TYW2: variants seen among roughly 807,000 people sequenced by gnomAD.
TYW2 encodes tRNA wybutosine-synthesizing protein 2, also known as tRNA wybutosine-synthesizing protein 2 homolog.
At chr8:124,452,416 A>G in the TYW2 span, 5 of 746,638 alleles carry the variant, frequency 6.7e-6, no homozygotes, top group African/African-American at 7.1e-5. Flanking sequence ...CTCTAGATCA[A>G]TTCAAATTAT....
chr8:124,451,068 C>G, the TYW2 span: 1 of 1,614,170 alleles, frequency 6.2e-7, no homozygotes, highest in African/African-American at 1.3e-5. Flanking sequence ...ATACACAGCA[C>G]CGTGTGGAAA....
At chr8:124,451,088 A>C in the TYW2 span, 4 of 1,614,216 alleles carry the variant, frequency 2.5e-6, no homozygotes. Flanking sequence ...AAGATGCCGG[A>C]TGGCTCGGTG....
the TYW2 span, chr8:124,451,867 T>C: frequency 3.1e-6 from 5 of 1,614,052 alleles, no homozygotes; most frequent in Non-Finnish European, 4.2e-6. Flanking sequence ...GATTCCCAGC[T>C]CTGAAGAAGG....
the TYW2 span, chr8:124,450,967 A>G: frequency 1.9e-6 from 3 of 1,614,154 alleles, no homozygotes; most frequent in Non-Finnish European, 2.5e-6. Context: ...GGAGAGAGAA[A>G]GTGGGAAGCC....
chr8:124,451,894 C>T, the TYW2 span: 2 of 1,614,148 alleles, frequency 1.2e-6, no homozygotes, highest in Non-Finnish European at 8.5e-7. Flanking sequence ...CATTGCCTGC[C>T]AAGTGTTAAG....
chr8:124,451,665 T>C, the TYW2 span: 7 of 1,614,184 alleles, frequency 4.3e-6, no homozygotes, highest in Non-Finnish European at 5.1e-6. Flanking sequence ...CAGGGATTGG[T>C]TATTTTACAT....
chr8:124,451,135 C>A, the TYW2 span: 1 of 1,614,196 alleles, frequency 6.2e-7, no homozygotes, highest in South Asian at 1.1e-5. Flanking sequence ...TCCAGAGCAG[C>A]ACCTGCAGGA....
At chr8:124,451,140 G>T in the TYW2 span, 1 of 1,614,232 alleles carries the variant, frequency 6.2e-7, no homozygotes, top group South Asian at 1.1e-5. Flanking sequence ...AGCAGCACCT[G>T]CAGGAGCTGA....
chr8:124,451,431 TGGC>T, the TYW2 span: 1 of 1,614,126 alleles, frequency 6.2e-7, no homozygotes, highest in Non-Finnish European at 8.5e-7. Context: ...CCTTGGCACT[TGGC>T]GTCCAGCGTT....
At chr8:124,452,100 G>A in the TYW2 span, 2 of 1,614,246 alleles carry the variant, frequency 1.2e-6, no homozygotes, top group Non-Finnish European at 8.5e-7. Context: ...CCAAGCCAGA[G>A]TGGCAAAGGT....
the TYW2 span, chr8:124,450,826 G>C: frequency 7.2e-7 from 1 of 1,390,442 alleles, no homozygotes; most frequent in African/African-American, 1.4e-5. Context: ...CGTCATTTCC[G>C]GCACCGGCAT....
the TYW2 span, chr8:124,451,411 G>C: frequency 6.2e-7 from 1 of 1,614,178 alleles, no homozygotes; most frequent in Non-Finnish European, 8.5e-7. Context: ...GGAACTCTGG[G>C]AGACCGTTGC....
the TYW2 span, chr8:124,452,237 TG>T: frequency 6.2e-7 from 1 of 1,614,150 alleles, no homozygotes; most frequent in South Asian, 1.1e-5. Flanking sequence ...CACATAGTCC[TG>T]GATCTGGAAT....
chr8:124,451,452 A>C, the TYW2 span: 4 of 1,614,090 alleles, frequency 2.5e-6, no homozygotes, highest in Middle Eastern at 1.6e-4. Flanking sequence ...GTTTGGCAAA[A>C]CGAGGGCGGG....
the TYW2 span, chr8:124,451,342 A>T: frequency 6.2e-7 from 1 of 1,614,016 alleles, no homozygotes; most frequent in Non-Finnish European, 8.5e-7. Flanking sequence ...ACGGCATGGT[A>T]ATCTCTTGTT....
chr8:124,451,211 C>T, the TYW2 span: 3 of 1,614,088 alleles, frequency 1.9e-6, no homozygotes, highest in South Asian at 2.2e-5. Flanking sequence ...CCTGTTCCTT[C>T]GAAGAGGGCC....
At chr8:124,452,132 G>C in the TYW2 span, 1 of 1,614,220 alleles carries the variant, frequency 6.2e-7, no homozygotes, top group Non-Finnish European at 8.5e-7. Flanking sequence ...GCAGAAACTC[G>C]AATCGCCACT....
At chr8:124,451,999 G>A in the TYW2 span, 1 of 1,614,210 alleles carries the variant, frequency 6.2e-7, no homozygotes, top group Non-Finnish European at 8.5e-7. Context: ...AGTAGAGAAA[G>A]AGCATTGGCT....
chr8:124,451,094 C>G, the TYW2 span: 5 of 1,614,030 alleles, frequency 3.1e-6, no homozygotes, highest in African/African-American at 5.3e-5. Context: ...CCGGATGGCT[C>G]GGTGGCGCTA....
Sources: allele counts gnomAD v4.1 joint callset, GRCh38; gene constraint gnomAD v4.1.1; transcripts MANE v1.5; gene names NCBI Gene and HGNC (gene_info 2026-07-23, HGNC 2026-07-21).